Variants in PREX2 observed in about 807,000 individuals in gnomAD.
The protein encoded by PREX2 is phosphatidylinositol 3,4,5-trisphosphate-dependent Rac exchanger 2 protein.
PREX2 carries 107 observed loss-of-function variants against 203.2 expected under a neutral mutation model. The ratio of observed to expected loss-of-function variants is 0.53; its 90% CI spans 0.45 to 0.62. The LOEUF is 0.62. PREX2 is among the 20% of genes least tolerant of loss of function. The pLI is 0.00. For missense variants in PREX2, 1,777 were observed against 1,955.9 expected, an observed-to-expected ratio of 0.91 and a Z score of 1.72; for synonymous variants, 672 against 663.6, an observed-to-expected ratio of 1.01 and a Z score of -0.19.
Position 68,072,440 on chromosome 8 carries a change from C to A in PREX2, c.1494-55C>A, listed in dbSNP as rs6985922. The A allele has an allele frequency of 2.0e-5, 18 of 907,416 alleles. No individual in the cohort carries two copies. The Admixed American group carries it at 3.0e-4, about 15-fold the overall frequency. 56.2% of individuals were successfully genotyped at this position (907,416 alleles called of 1,614,324 possible). On this transcript the variant is annotated intron_variant, in intron 13 of 39. Transcript: ENST00000288368. ...GAAAATATTTTCTTGTGCTTACCTACCCTCTTGCTTAATTTTTGTTTTTTG... is the reference window on the plus strand; with the variant it reads ...GAAAATATTTTCTTGTGCTTACCTAACCTCTTGCTTAATTTTTGTTTTTTG...
chr8:68,072,828 C>G (rs1457545878), intron 14 of PREX2, among the ~76,000 whole-genome samples: 2 of 152,116 alleles, frequency 1.3e-5, no homozygotes, highest in East Asian at 3.8e-4. Context: ...TCAAAAAACA[C>G]TAATTTGAGA....
At chr8:68,105,724 CACACACATAT>C in intron 23 of PREX2, 1 of 138,768 alleles carries the variant, frequency 7.2e-6, no homozygotes. Flanking sequence ...CATATATATA[CACACACATAT>C]ATATATATAT....
Position 68,072,630 on chromosome 8 carries a change from G to A in PREX2, c.1569+60G>A, listed in dbSNP as rs1234805395. 8.7e-5 allele frequency: 79 copies of A among 905,962 alleles called. 1 individual carries two copies. The South Asian group carries it at 9.1e-4, about 10-fold the overall frequency. The allele number at this position is 905,962 out of a possible 1,614,324, so 56.1% of individuals were successfully genotyped here. The stretch of plus-strand genomic sequence containing the variant: ...TGCTGCTGCTTTAAACTCTGAGTGT[G>A]TGAATTAGGACCTTTATTCTTTTTC... On this transcript the variant is annotated intron_variant, in intron 14 of 39. Transcript: ENST00000288368.
At chr8:68,205,628 G>A (rs1812608190) in intron 37 of PREX2, among the ~76,000 whole-genome samples, 1 of 152,164 alleles carries the variant, frequency 6.6e-6, no homozygotes, top group Admixed American at 6.5e-5. Flanking sequence ...AAGGGATCAG[G>A]GAAAATATAA....
At chr8:68,003,766 A>G (rs1412873316) in intron 1 of PREX2, among the ~76,000 whole-genome samples, 1 of 152,042 alleles carries the variant, frequency 6.6e-6, no homozygotes, top group Non-Finnish European at 1.5e-5. Flanking sequence ...CAAGAATGGA[A>G]ACTTTGGATA....
chr8:68,103,625 G>A (rs1485193325), intron 23 of PREX2: 2 of 518,960 alleles, frequency 3.9e-6, no homozygotes, highest in Non-Finnish European at 7.7e-6. Context: ...ACACTCCAGT[G>A]GGCCTCTTCT....
intron 1 of PREX2, among the ~76,000 whole-genome samples, chr8:67,974,492 A>G (rs1806014854): frequency 6.6e-6 from 1 of 152,210 alleles, no homozygotes; most frequent in Non-Finnish European, 1.5e-5. Context: ...CTAAAATCCT[A>G]CCTAGAAATA....
intron 35 of PREX2, among the ~76,000 whole-genome samples, chr8:68,171,152 G>A (rs769176601): frequency 3.9e-5 from 6 of 152,060 alleles, no homozygotes; most frequent in Non-Finnish European, 8.8e-5. Flanking sequence ...TTATGATTTG[G>A]CATATCTGAA....
chr8:67,997,639 A>AT (rs974455704), intron 1 of PREX2, among the ~76,000 whole-genome samples: 9 of 152,042 alleles, frequency 5.9e-5, no homozygotes, highest in Non-Finnish European at 1.3e-4. Context: ...AGCTTGTTAG[A>AT]TTTTTCAAAA....
chr8:68,011,647 TA>T lies in PREX2; in HGVS notation c.142-6198del, dbSNP rs373261320. On this transcript the variant is annotated intron_variant, in intron 1 of 39. Coordinates refer to ENST00000288368, the MANE Select transcript of PREX2 (RefSeq NM_024870.4). ...TTATTGACTTTTATATGAATACTCT[TA>T]TTTTTTTTAATGTTAGCAATTGAGT... 2.0e-3 allele frequency among the ~76,000 whole-genome samples: 306 copies of T among 152,226 alleles called. 5 individuals are homozygous for T. The South Asian group carries it at 0.021, about 11-fold the overall frequency.
At position 68,060,043 on chromosome 8, in the gene PREX2, G is replaced by C. The variant is rs554370918; in HGVS notation, c.1239-636G>C. 1.1e-4 allele frequency among the ~76,000 whole-genome samples: 17 copies of C among 152,262 alleles called. No homozygotes were observed. The East Asian group carries it at 3.3e-3, about 29-fold the overall frequency. ...TACATATTTTAAAGTCTACTGACTT[G>C]GAGTTTTAATTACATATGCAAAACT... On this transcript the variant is annotated intron_variant, in intron 10 of 39. Coordinates refer to ENST00000288368, the MANE Select transcript of PREX2 (RefSeq NM_024870.4).
intron 30 of PREX2, among the ~76,000 whole-genome samples, chr8:68,121,345 A>G (rs983491745): frequency 4.6e-5 from 7 of 152,258 alleles, no homozygotes; most frequent in African/African-American, 1.7e-4. Context: ...AAAGGAGACA[A>G]TATCATAAAC....
intron 37 of PREX2, among the ~76,000 whole-genome samples, chr8:68,213,585 T>G (rs1297053537): frequency 2.6e-5 from 4 of 152,236 alleles, no homozygotes; most frequent in Non-Finnish European, 5.9e-5. Context: ...GTCCTTCAAA[T>G]TAAATGGGAC....
chr8:67,973,236 A>G (rs1805977178), intron 1 of PREX2, among the ~76,000 whole-genome samples: 1 of 152,164 alleles, frequency 6.6e-6, no homozygotes, highest in African/African-American at 2.4e-5. Flanking sequence ...TCTTCCTAAA[A>G]GAATGTTTTC....
chr8:68,158,173 A>G (rs940471262), intron 35 of PREX2, among the ~76,000 whole-genome samples: 1 of 150,742 alleles, frequency 6.6e-6, no homozygotes, highest in Non-Finnish European at 1.5e-5. Context: ...ATATATTCAC[A>G]CACACATATC....
At chr8:68,162,797 C>G (rs568252080) in intron 35 of PREX2, among the ~76,000 whole-genome samples, 1 of 152,058 alleles carries the variant, frequency 6.6e-6, no homozygotes, top group Non-Finnish European at 1.5e-5. Flanking sequence ...AGGACTTGTC[C>G]CCAGACCTCA....
intron 25 of PREX2, chr8:68,114,312 T>A (rs745811276): frequency 3.9e-6 from 2 of 510,370 alleles, no homozygotes; most frequent in Non-Finnish European, 7.8e-6. Flanking sequence ...GTATAAGATA[T>A]CGTCACCGTC....
intron 1 of PREX2, among the ~76,000 whole-genome samples, chr8:67,986,842 A>ACG (rs1185293349): frequency 6.6e-6 from 1 of 152,148 alleles, no homozygotes; most frequent in Non-Finnish European, 1.5e-5. Flanking sequence ...TTTGGAATTC[A>ACG]CGAAAACCAA....
intron 6 of PREX2, 26 bp from the exon 7 acceptor site, chr8:68,038,133 C>T (rs1808088927): frequency 2.5e-6 from 4 of 1,604,494 alleles, no homozygotes; most frequent in East Asian, 2.2e-5. Flanking sequence ...AGTAAGCAGA[C>T]ATTAATTGCA....
Sources: allele counts gnomAD v4.1 joint callset (sites outside exome capture counted in the v4.1 genomes callset), GRCh38; gene constraint gnomAD v4.1.1; transcripts MANE v1.5; gene names NCBI Gene and HGNC (gene_info 2026-07-23, HGNC 2026-07-21).